Variants in ROBO2 observed in about 807,000 individuals in gnomAD.
ROBO2 encodes the protein roundabout homolog 2.
In ROBO2, 53 loss-of-function variants were observed where a neutral mutation model predicts 160.8. The ratio of observed to expected loss-of-function variants is 0.33; its 90% CI spans 0.26 to 0.41. The LOEUF (loss-of-function observed/expected upper bound fraction) is 0.41, where lower values mean the gene tolerates loss of function less well. Among genes scored for constraint, ROBO2 ranks in the 10% least tolerant of loss-of-function variants. The pLI, the probability that ROBO2 is intolerant of heterozygous loss-of-function variation, is 1.00. For missense variants in ROBO2, 1,577 were observed against 1,722.4 expected, an observed-to-expected ratio of 0.92 and a Z score of 1.49; for synonymous variants, 664 against 611.7, an observed-to-expected ratio of 1.09 and a Z score of -1.26.
At chr3:77,073,169 G>A (rs1002500449) in intron 1 of ROBO2, among the ~76,000 whole-genome samples, 12 of 152,154 alleles carry the variant, frequency 7.9e-5, no homozygotes, top group African/African-American at 2.7e-4. Context: ...AATTGCTCAA[G>A]GGAAAAGGGT....
chr3:77,033,193 CTCTA>C (rs2063428668), intron 2 of ROBO2, among the ~76,000 whole-genome samples: 1 of 152,148 alleles, frequency 6.6e-6, no homozygotes, highest in African/African-American at 2.4e-5. Context: ...AATTTCAGAG[CTCTA>C]TCTCAGTATT....
At chr3:76,864,824 T>C (rs921457725) in intron 2 of ROBO2, among the ~76,000 whole-genome samples, 11 of 152,124 alleles carry the variant, frequency 7.2e-5, no homozygotes, top group Non-Finnish European at 1.5e-4. Flanking sequence ...ACAAACTATT[T>C]TCCATCTAAG....
chr3:76,062,846 G>A (rs1280674158), intron 2 of ROBO2, among the ~76,000 whole-genome samples: 2 of 152,136 alleles, frequency 1.3e-5, no homozygotes, highest in Non-Finnish European at 2.9e-5. Flanking sequence ...TTTGGATGGT[G>A]AGAAAGCAGA....
intron 2 of ROBO2, among the ~76,000 whole-genome samples, chr3:76,540,832 C>T (rs2082776532): frequency 6.6e-6 from 1 of 152,072 alleles, no homozygotes; most frequent in East Asian, 1.9e-4. Context: ...AAGAGTCTTG[C>T]TCTGTCACCC....
intron 2 of ROBO2, among the ~76,000 whole-genome samples, chr3:76,136,084 C>T (rs958312232): frequency 1.7e-4 from 26 of 152,058 alleles, no homozygotes; most frequent in Admixed American, 1.1e-3. Flanking sequence ...CATCTGACGT[C>T]GTAGACAGCT....
chr3:77,017,354 A>G (rs1301582842), intron 2 of ROBO2, among the ~76,000 whole-genome samples: 2 of 152,222 alleles, frequency 1.3e-5, no homozygotes, highest in African/African-American at 4.8e-5. Flanking sequence ...GTAAATAGAT[A>G]AGGGAAGTAA....
intron 2 of ROBO2, among the ~76,000 whole-genome samples, chr3:77,268,038 G>C (rs544787150): frequency 7.2e-5 from 11 of 152,158 alleles, no homozygotes; most frequent in Admixed American, 1.3e-4. Flanking sequence ...GTAAAATGCT[G>C]TTCCCTGCTG....
At chr3:77,438,254 T>A (rs2079525653) in intron 2 of ROBO2, among the ~76,000 whole-genome samples, 1 of 151,216 alleles carries the variant, frequency 6.6e-6, no homozygotes, top group Non-Finnish European at 1.5e-5. Context: ...GATAGATAGA[T>A]GACAGAGTTG....
chr3:76,548,199 GGA>G (rs1194946325), intron 2 of ROBO2, among the ~76,000 whole-genome samples: 1 of 152,138 alleles, frequency 6.6e-6, no homozygotes, highest in East Asian at 1.9e-4. Context: ...GTGGTTAAAA[GGA>G]GAGTGCTTAT....
intron 2 of ROBO2, among the ~76,000 whole-genome samples, chr3:76,084,206 AC>A (rs2068931624): frequency 6.6e-6 from 1 of 152,100 alleles, no homozygotes; most frequent in African/African-American, 2.4e-5. Context: ...AATCTGAGAA[AC>A]AAAGAAGCAA....
intron 21 of ROBO2, among the ~76,000 whole-genome samples, chr3:77,612,560 A>AT: frequency 6.6e-6 from 1 of 152,162 alleles, no homozygotes; most frequent in East Asian, 1.9e-4. Flanking sequence ...ATCTGTGGAC[A>AT]TTTTTCAGTT....
intron 2 of ROBO2, among the ~76,000 whole-genome samples, chr3:76,291,572 T>C (rs1261031364): frequency 1.3e-5 from 2 of 152,096 alleles, no homozygotes; most frequent in African/African-American, 2.4e-5. Context: ...AGTTTTGGGT[T>C]GGTTTGCTCT....
At chr3:77,119,822 A>G (rs1406870589) in intron 2 of ROBO2, among the ~76,000 whole-genome samples, 2 of 152,208 alleles carry the variant, frequency 1.3e-5, no homozygotes, top group Non-Finnish European at 2.9e-5. Flanking sequence ...GGTTTTATGG[A>G]ATTCACATCG....
At chr3:76,979,448 T>C (rs1217156787) in intron 2 of ROBO2, among the ~76,000 whole-genome samples, 1 of 152,098 alleles carries the variant, frequency 6.6e-6, no homozygotes, top group Non-Finnish European at 1.5e-5. Context: ...CTCCCACCTA[T>C]AAGTGAGTAC....
intron 2 of ROBO2, among the ~76,000 whole-genome samples, chr3:76,374,458 C>T (rs901869652): frequency 2.6e-5 from 4 of 151,814 alleles, no homozygotes; most frequent in African/African-American, 9.7e-5. Flanking sequence ...TAGATAAACA[C>T]AATAACAGTT....
At chr3:75,953,452 T>A (rs1028370191) in intron 2 of ROBO2, among the ~76,000 whole-genome samples, 6 of 151,912 alleles carry the variant, frequency 3.9e-5, no homozygotes, top group African/African-American at 1.4e-4. Flanking sequence ...TTCGAGTTCT[T>A]TGTATACTTT....
At chr3:77,252,831 A>AAAAAATATAT in intron 2 of ROBO2, among the ~76,000 whole-genome samples, 4 of 12,520 alleles carry the variant, frequency 3.2e-4, no homozygotes, top group South Asian at 5.6e-3. Context: ...AAAAAAAAAA[A>AAAAAATATAT]ATATATATAT....
intron 1 of ROBO2, among the ~76,000 whole-genome samples, chr3:77,068,774 G>A (rs4629376): frequency 0.053 from 8,128 of 152,090 alleles, 277 homozygotes; most frequent in Non-Finnish European, 0.084. Context: ...GCCCACTTCC[G>A]CAGGCTAGTA....
chr3:76,683,994 T>G (rs2092630299), intron 2 of ROBO2, among the ~76,000 whole-genome samples: 1 of 152,226 alleles, frequency 6.6e-6, no homozygotes, highest in African/African-American at 2.4e-5. Flanking sequence ...AGAAAGACTT[T>G]GCAAATTTGG....
Sources: allele counts gnomAD v4.1 joint callset (sites outside exome capture counted in the v4.1 genomes callset), GRCh38; gene constraint gnomAD v4.1.1; transcripts MANE v1.5; gene names NCBI Gene and HGNC (gene_info 2026-07-23, HGNC 2026-07-21).